Variants in SGTB observed in about 807,000 individuals in gnomAD.
SGTB encodes the protein small glutamine-rich tetratricopeptide repeat-containing protein beta.
A neutral mutation model predicts 43.9 loss-of-function variants in SGTB; 19 were observed. That is an observed-to-expected ratio of 0.43 (90% CI 0.30 to 0.63). The LOEUF (loss-of-function observed/expected upper bound fraction) is 0.63, where lower values mean the gene tolerates loss of function less well. Ranked by LOEUF, SGTB falls within the 30% of genes least tolerant of loss-of-function variation. The probability of loss-of-function intolerance (pLI) is 0.12; values close to 1 mark genes in which losing one functional copy is unlikely to be tolerated. For missense variants in SGTB, 304 were observed against 358.9 expected, an observed-to-expected ratio of 0.85 and a Z score of 1.24; for synonymous variants, 116 against 117.3, an observed-to-expected ratio of 0.99 and a Z score of 0.07.
At chr5:65,697,378 A>G (rs2150714823) in intron 5 of SGTB, among the ~76,000 whole-genome samples, 1 of 152,324 alleles carries the variant, frequency 6.6e-6, no homozygotes, top group Admixed American at 6.5e-5. Context: ...ATATAAGACT[A>G]TTCTCATCAA....
intron 2 of SGTB, among the ~76,000 whole-genome samples, chr5:65,714,763 C>T (rs1758117257): frequency 6.6e-6 from 1 of 152,122 alleles, no homozygotes; most frequent in Non-Finnish European, 1.5e-5. Flanking sequence ...TGCAGTGAGC[C>T]GAGATCACCC....
chr5:65,680,935 C>A, intron 6 of SGTB, 141 bp from the exon 7 acceptor site: 1 of 913,888 alleles, frequency 1.1e-6, no homozygotes, highest in East Asian at 2.7e-5. Context: ...CTATGGCTCA[C>A]GGGAGCAAAA....
chr5:65,721,009 A>G (rs1449796749), intron 1 of SGTB, among the ~76,000 whole-genome samples, 180 bp from the exon 2 acceptor site: 2 of 152,220 alleles, frequency 1.3e-5, no homozygotes, highest in African/African-American at 4.8e-5. Flanking sequence ...AGTATTGTGA[A>G]GGTAATTTAT....
intron 5 of SGTB, 57 bp downstream of exon 5, chr5:65,704,222 G>T: frequency 4.1e-6 from 5 of 1,214,146 alleles, no homozygotes; most frequent in Non-Finnish European, 3.4e-6. Context: ...TTTTCCTTCA[G>T]AGCTATTAAT....
chr5:65,684,880 A>G (rs944998298), intron 6 of SGTB, among the ~76,000 whole-genome samples: 6 of 152,170 alleles, frequency 3.9e-5, no homozygotes, highest in Admixed American at 1.3e-4. Context: ...ACAAGAAAAA[A>G]GGGCATTCTG....
At chr5:65,703,760 G>A (rs1561163086) in intron 5 of SGTB, among the ~76,000 whole-genome samples, 2 of 150,430 alleles carry the variant, frequency 1.3e-5, no homozygotes, top group Non-Finnish European at 3.0e-5. Context: ...AATTTAGGCC[G>A]GGCGCGGTGG....
chr5:65,722,492 C>T, upstream of SGTB: 1 of 1,330,850 alleles, frequency 7.5e-7, no homozygotes, highest in Non-Finnish European at 1.0e-6. Flanking sequence ...AGCCCGGACC[C>T]ACCCCTTCCC....
rs540172230 is a variant in SGTB, at chr5:65,672,464, T to C, written c.682-183A>G. The stretch of plus-strand genomic sequence containing the variant: ...GAGAAGGTACTAGAAAAAGTGGCAT[T>C]AAGAAGACATGGTGAGGATAAAGAG... On this transcript the variant is annotated intron_variant, in intron 8 of 10. Transcript: ENST00000381007. Among the ~76,000 whole-genome samples, 33 of 152,230 alleles carry C rather than the reference T, an allele frequency of 2.2e-4. 1 individual carries two copies. The South Asian group carries it at 6.2e-3, about 29-fold the overall frequency.
chr5:65,699,215 C>T (rs1757767529), intron 5 of SGTB, among the ~76,000 whole-genome samples: 1 of 152,118 alleles, frequency 6.6e-6, no homozygotes, highest in Non-Finnish European at 1.5e-5. Flanking sequence ...CAAAAAAGAA[C>T]AAGATAATGT....
chr5:65,712,938 A>G, intron 3 of SGTB, 23 bp downstream of exon 3: 3 of 1,569,622 alleles, frequency 1.9e-6, no homozygotes, highest in Non-Finnish European at 2.6e-6. Flanking sequence ...TCAGTTAATA[A>G]TGAGAAAATA....
chr5:65,708,631 T>A, intron 3 of SGTB, 73 bp from the exon 4 acceptor site: 1 of 1,147,630 alleles, frequency 8.7e-7, no homozygotes, highest in Non-Finnish European at 1.2e-6. Context: ...TATAAATAAA[T>A]AATAAATTAC....
intron 5 of SGTB, among the ~76,000 whole-genome samples, chr5:65,695,054 C>G (rs1757692833): frequency 4.6e-5 from 7 of 151,880 alleles, no homozygotes; most frequent in Admixed American, 4.6e-4. Context: ...ATTAGATGAT[C>G]AATTTCACAT....
chr5:65,710,851 C>T (rs1490407717), intron 3 of SGTB, among the ~76,000 whole-genome samples: 2 of 151,990 alleles, frequency 1.3e-5, no homozygotes, highest in East Asian at 1.9e-4. Context: ...TTAGCCAGGG[C>T]CGGGTGTGGT....
intron 8 of SGTB, among the ~76,000 whole-genome samples, chr5:65,675,677 T>C (rs1370685515): frequency 6.6e-6 from 1 of 152,018 alleles, no homozygotes; most frequent in African/African-American, 2.4e-5. Context: ...CCAGAAGAGA[T>C]TGGGGGCCCA....
At chr5:65,722,445 G>T, upstream of SGTB, 1 of 1,563,392 alleles carries the variant, frequency 6.4e-7, no homozygotes, top group East Asian at 2.5e-5. Context: ...AACCTTGGCC[G>T]TGGGCAGGGC....
At chr5:65,674,452 C>T (rs915893162) in intron 8 of SGTB, among the ~76,000 whole-genome samples, 19 of 152,168 alleles carry the variant, frequency 1.2e-4, no homozygotes, top group African/African-American at 4.6e-4. Context: ...ACTGCCCAAA[C>T]CACACAGCTA....
chr5:65,700,698 A>G (rs1210267146), intron 5 of SGTB, among the ~76,000 whole-genome samples: 2 of 139,590 alleles, frequency 1.4e-5, no homozygotes, highest in Admixed American at 1.4e-4. Flanking sequence ...AAAAAAAAAA[A>G]GAAAGAAAGA....
At chr5:65,673,438 C>T (rs1054308029) in intron 8 of SGTB, among the ~76,000 whole-genome samples, 4 of 152,172 alleles carry the variant, frequency 2.6e-5, no homozygotes, top group Admixed American at 6.5e-5. Flanking sequence ...CTGAGCTCCA[C>T]CTCCTGTCAG....
At chr5:65,718,843 A>T (rs559267021) in intron 2 of SGTB, among the ~76,000 whole-genome samples, 6 of 133,310 alleles carry the variant, frequency 4.5e-5, no homozygotes, top group African/African-American at 1.7e-4. Context: ...ATAGGACATA[A>T]CATCTTGGTT....
Sources: gnomAD v4.1 joint callset for allele counts (sites outside exome capture counted in the v4.1 genomes callset) on GRCh38, gnomAD v4.1.1 for gene constraint, MANE v1.5 for transcripts, NCBI Gene and HGNC (gene_info 2026-07-23, HGNC 2026-07-21) for gene names.